TRARG1: variants seen among roughly 807,000 people sequenced by gnomAD.
TRARG1 encodes trafficking regulator of GLUT4 1.
Under a neutral mutation model 13.3 loss-of-function variants are expected in TRARG1, and 16 were observed. The ratio of observed to expected loss-of-function variants is 1.20; its 90% CI spans 0.81 to 1.83. TRARG1 has a LOEUF of 1.83. TRARG1 is among the 40% of genes most tolerant of loss of function. TRARG1 has a pLI of 0.00. For missense variants in TRARG1, 250 were observed against 237.4 expected (o/e 1.05, Z -0.35); for synonymous variants, 113 against 106.2 (o/e 1.06, Z -0.39).
chr17:1,291,778 T>C (rs58792421), intron 1 of TRARG1, among the ~76,000 whole-genome samples: 4,081 of 152,216 alleles, frequency 0.027, 198 homozygotes, highest in African/African-American at 0.093. Context: ...GAGCCACCCC[T>C]TGAAGGATGG....
At chr17:1,289,759 C>G (rs897056706) in intron 1 of TRARG1, among the ~76,000 whole-genome samples, 2 of 152,088 alleles carry the variant, frequency 1.3e-5, no homozygotes, top group South Asian at 4.1e-4. Flanking sequence ...CCCCGTGTGA[C>G]GACTCCTGCA....
chr17:1,291,751 C>T (rs1267928354), intron 1 of TRARG1, among the ~76,000 whole-genome samples: 1 of 152,084 alleles, frequency 6.6e-6, no homozygotes, highest in Non-Finnish European at 1.5e-5. Context: ...GTGGGCTTCA[C>T]AGAGGAGGTG....
chr17:1,284,545 C>G (rs554120606), intron 1 of TRARG1, among the ~76,000 whole-genome samples: 6 of 152,304 alleles, frequency 3.9e-5, no homozygotes, highest in African/African-American at 1.4e-4. Flanking sequence ...CCAGAGGTGG[C>G]TCTGAAACCC....
chr17:1,279,837 G>A lies in TRARG1; in HGVS notation c.-165G>A. On this transcript the variant is annotated 5_prime_UTR_variant, in exon 1 of 3. Transcript: ENST00000333813. Reference sequence around the variant, plus strand: ...CCTCTGAACTCAGCTGGCTTGAGAAGCTCAGCCCAACCCTTCCAGCACCCA... The same window carrying A: ...CCTCTGAACTCAGCTGGCTTGAGAAACTCAGCCCAACCCTTCCAGCACCCA... 1 of 756,112 alleles carries A rather than the reference G, an allele frequency of 1.3e-6. No homozygotes were observed. The highest frequency in any genetic ancestry group is 2.0e-6 in the Non-Finnish European group (1 of 492,566). The allele number at this position is 756,112 out of a possible 1,614,324, so 46.8% of individuals were successfully genotyped here.
At chr17:1,284,387 A>C (rs1376996901) in intron 1 of TRARG1, among the ~76,000 whole-genome samples, 1 of 151,960 alleles carries the variant, frequency 6.6e-6, no homozygotes, top group Non-Finnish European at 1.5e-5. Flanking sequence ...AGCCGAGAGG[A>C]GTGTGGTTGG....
chr17:1,286,117 T>C (rs2072018038), intron 1 of TRARG1, among the ~76,000 whole-genome samples: 1 of 152,210 alleles, frequency 6.6e-6, no homozygotes, highest in Non-Finnish European at 1.5e-5. Flanking sequence ...ACCCTGTCCC[T>C]GGCAGCCTGA....
intron 1 of TRARG1, among the ~76,000 whole-genome samples, chr17:1,280,618 C>T (rs956864003): frequency 3.3e-5 from 5 of 152,180 alleles, no homozygotes; most frequent in Admixed American, 2.0e-4. Context: ...GGCATCAGAG[C>T]TCGACTTTGC....
At chr17:1,287,636 CAGGTGT>C (rs2072033786) in intron 1 of TRARG1, among the ~76,000 whole-genome samples, 1 of 150,994 alleles carries the variant, frequency 6.6e-6, no homozygotes, top group African/African-American at 2.4e-5. Context: ...GCTGGGATTA[CAGGTGT>C]GAGCCACTGC....
intron 2 of TRARG1, among the ~76,000 whole-genome samples, chr17:1,297,941 C>G (rs1190081773): frequency 1.3e-5 from 2 of 152,172 alleles, no homozygotes; most frequent in African/African-American, 2.4e-5. Context: ...AGTAACTAAG[C>G]AGGGAAAGAA....
chr17:1,298,365 C>T lies in TRARG1; in HGVS notation c.*101C>T. ...CCAGGGTGCTGACTGTCAAGCATCC[C>T]CTGTCCCCAAGTTCCAAAAGCACAG... is the stretch of plus-strand genomic sequence containing the variant. On this transcript the variant is annotated 3_prime_UTR_variant, in exon 3 of 3. Coordinates refer to ENST00000333813, the MANE Select transcript of TRARG1 (RefSeq NM_172367.3). The T allele has an allele frequency of 7.5e-7, 1 of 1,338,764 alleles. No individual in the cohort carries two copies. The highest frequency in any genetic ancestry group is 1.0e-6 in the Non-Finnish European group (1 of 962,828). The allele number at this position is 1,338,764 out of a possible 1,614,324, so 82.9% of individuals were successfully genotyped here.
intron 1 of TRARG1, among the ~76,000 whole-genome samples, chr17:1,288,691 C>T (rs1177784891): frequency 5.0e-5 from 2 of 40,062 alleles, no homozygotes; most frequent in Non-Finnish European, 4.5e-5. Context: ...CCCCCACGGG[C>T]TCCTCATCCC....
At position 1,295,605 on chromosome 17, in the gene TRARG1, G is replaced by C; in HGVS notation, c.502G>C (p.Val168Leu). 6.2e-7 allele frequency: 1 copy of C among 1,612,090 alleles called. No individual in the cohort carries two copies. Among genetic ancestry groups the C allele is most frequent in the Non-Finnish European group, 8.5e-7 (1 of 1,179,334 alleles). ...GGGCATCGTCATTATCATGGTGGCC[G>C]TGACCGTCAACTTCACAGGTGAGAC... ...IMGIVIIMVA[V>L]TVNFTVQKK The change falls in exon 2 of 3, where the codon GTG (valine) becomes CTG (leucine). Residue 168 changes from valine (V) to leucine (L), a missense_variant. Val to Leu is a conservative substitution (Grantham distance 32). Transcript: ENST00000333813.
At chr17:1,296,637 G>A (rs578177998) in intron 2 of TRARG1, among the ~76,000 whole-genome samples, 14 of 151,746 alleles carry the variant, frequency 9.2e-5, no homozygotes, top group African/African-American at 3.4e-4. Context: ...TCAGCCTCTC[G>A]AGTAGCTGGG....
Position 1,280,000 on chromosome 17 carries a change from C to A in TRARG1, c.-2C>A. ...CTGCAGCCGCGCAAGGCCCAGGCCC[C>A]CATGGCCCACCCGGTGCAGTCCGAG... On this transcript the variant is annotated 5_prime_UTR_variant, in exon 1 of 3. Coordinates refer to ENST00000333813, the MANE Select transcript of TRARG1 (RefSeq NM_172367.3). 1 of 1,609,382 alleles carries A rather than the reference C, an allele frequency of 6.2e-7. No homozygotes were observed. The highest frequency in any genetic ancestry group is 8.5e-7 in the Non-Finnish European group (1 of 1,177,810).
chr17:1,280,144 C>G lies in TRARG1; in HGVS notation c.143C>G (p.Ser48Trp). 6.2e-7 allele frequency: 1 copy of G among 1,613,982 alleles called. No homozygotes were observed. Among genetic ancestry groups the G allele is most frequent in the Non-Finnish European group, 8.5e-7 (1 of 1,179,992 alleles). ...DKTLNLSKTLSGPLDLEQNSQ... is the reference protein window; with the variant it reads ...DKTLNLSKTLWGPLDLEQNSQ... ...ACCCTGAATCTGTCCAAGACCCTCTCGGGGCCTCTGGATCTGGAGCAGAAC... is the reference window on the plus strand; with the variant it reads ...ACCCTGAATCTGTCCAAGACCCTCTGGGGGCCTCTGGATCTGGAGCAGAAC... Residue 48 changes from serine (S) to tryptophan (W), a missense_variant, in exon 1 of 3, where the codon TCG (serine) becomes TGG (tryptophan). Ser to Trp is a radical substitution (Grantham distance 177, BLOSUM62 -3). Coordinates refer to ENST00000333813, the MANE Select transcript of TRARG1 (RefSeq NM_172367.3).
At chr17:1,297,259 C>T (rs1304896755) in intron 2 of TRARG1, among the ~76,000 whole-genome samples, 2 of 152,142 alleles carry the variant, frequency 1.3e-5, no homozygotes, top group African/African-American at 4.8e-5. Context: ...GCCCAACCGT[C>T]AACGTTGGGA....
rs2071958836 is a variant in TRARG1 at position 1,279,909 on chromosome 17, G to GCT, written c.-92_-91insTC. The GCT allele has an allele frequency of 7.0e-7, 1 of 1,437,926 alleles. No homozygotes were observed. The highest frequency in any genetic ancestry group is 9.3e-7 in the Non-Finnish European group (1 of 1,072,710). 89.1% of individuals were successfully genotyped at this position (1,437,926 alleles called of 1,614,324 possible). The stretch of plus-strand genomic sequence containing the variant: ...GGACGCCCCTGCCCCCGACCTGGAG[G>GCT]CCCTCAGTCTGGGCTGGGGAATGGC... On this transcript the variant is annotated 5_prime_UTR_variant, in exon 1 of 3. Coordinates refer to ENST00000333813, the MANE Select transcript of TRARG1 (RefSeq NM_172367.3).
rs2072023120 is a variant in TRARG1 at position 1,286,467 on chromosome 17, G to GGTGTTGTTGTCGGCCT, written c.387+6082_387+6083insTTGTTGTCGGCCTGTG. Among the ~76,000 whole-genome samples, 5 of 146,054 alleles carry GGTGTTGTTGTCGGCCT rather than the reference G, an allele frequency of 3.4e-5. No homozygotes were observed. In the South Asian group the frequency reaches 8.7e-4, roughly 25 times the overall value. ...CCTGTGAGTTGTTATCGGCCTGTGG[G>GGTGTTGTTGTCGGCCT]GTGATGTTATCAGCCTGTGGGGTGT... is the stretch of plus-strand genomic sequence containing the variant. On this transcript the variant is annotated intron_variant, in intron 1 of 2. Coordinates refer to ENST00000333813, the MANE Select transcript of TRARG1 (RefSeq NM_172367.3).
chr17:1,290,067 A>C (rs1441987078), intron 1 of TRARG1, among the ~76,000 whole-genome samples: 1 of 152,038 alleles, frequency 6.6e-6, no homozygotes, highest in East Asian at 1.9e-4. Flanking sequence ...CTTTCACCAA[A>C]ACCCATGGAT....
Sources: gnomAD v4.1 joint callset for allele counts (sites outside exome capture counted in the v4.1 genomes callset) on GRCh38, gnomAD v4.1.1 for gene constraint, MANE v1.5 for transcripts, NCBI Gene and HGNC (gene_info 2026-07-23, HGNC 2026-07-21) for gene names.